The following ARFGEF3 variants were observed in gnomAD, a reference collection of about 807,000 sequenced individuals.
The protein encoded by ARFGEF3 is brefeldin A-inhibited guanine nucleotide-exchange protein 3.
ARFGEF3 carries 96 observed loss-of-function variants against 221.7 expected under a neutral mutation model. That is an observed-to-expected ratio of 0.43 (90% confidence interval 0.37 to 0.51). The LOEUF (loss-of-function observed/expected upper bound fraction) is 0.51. ARFGEF3 is among the 20% of genes least tolerant of loss of function. The pLI is 0.00. For missense variants in ARFGEF3, 2,410 were observed against 2,789.9 expected (o/e 0.86, Z 3.07); for synonymous variants, 1,145 against 1,126.8 (o/e 1.02, Z -0.32).
intron 2 of ARFGEF3, among the ~76,000 whole-genome samples, chr6:138,189,582 A>T (rs1415935989): frequency 6.6e-6 from 1 of 152,242 alleles, no homozygotes; most frequent in Non-Finnish European, 1.5e-5. Context: ...TTCACTTAGT[A>T]TATCAAACAC....
chr6:138,269,332 C>T (rs1778953273), intron 12 of ARFGEF3, among the ~76,000 whole-genome samples: 1 of 152,244 alleles, frequency 6.6e-6, no homozygotes, highest in African/African-American at 2.4e-5. Context: ...GGCATTTATG[C>T]CGTTACCAGC....
At chr6:138,330,727 A>T (rs1247253882) in intron 32 of ARFGEF3, among the ~76,000 whole-genome samples, 1 of 112,504 alleles carries the variant, frequency 8.9e-6, no homozygotes. Context: ...TTAATATAAC[A>T]ATCAATCATT....
At chr6:138,232,016 G>A (rs901539566) in intron 5 of ARFGEF3, among the ~76,000 whole-genome samples, 1 of 152,192 alleles carries the variant, frequency 6.6e-6, no homozygotes, top group Admixed American at 6.5e-5. Context: ...ATATCCAAGT[G>A]CTTTCTGTTC....
Position 138,255,724 on chromosome 6 carries a change from C to T in ARFGEF3, c.1059C>T (p.Tyr353=), listed in dbSNP as rs1258407683. 2.5e-6 allele frequency: 4 copies of T among 1,601,662 alleles called. No individual in the cohort carries two copies. Among genetic ancestry groups the T allele is most frequent in the Admixed American group, 3.4e-5 (2 of 59,310 alleles). ...CCCTCTACCACCGAGTGCTGCTCTA[C>T]CCCCCACCCCAGCACCGGGTGGAAG... ...LQSLYHRVLL[Y]PPPQHRVEAI... is the part of the protein sequence containing the mutation. Residue 353 remains tyrosine (Y), a synonymous_variant, in exon 10 of 34, where the codon TAC becomes TAT. Coordinates refer to ENST00000251691, the MANE Select transcript of ARFGEF3 (RefSeq NM_020340.5).
At chr6:138,335,836 G>A (rs1780311824) in intron 33 of ARFGEF3, among the ~76,000 whole-genome samples, 1 of 152,186 alleles carries the variant, frequency 6.6e-6, no homozygotes, top group Non-Finnish European at 1.5e-5. Context: ...GTGTGGTTAT[G>A]CCAATGAATT....
chr6:138,220,764 T>C, intron 4 of ARFGEF3, among the ~76,000 whole-genome samples: 1 of 152,086 alleles, frequency 6.6e-6, no homozygotes, highest in Non-Finnish European at 1.5e-5. Context: ...TAATCACATA[T>C]TATCATCCAG....
At chr6:138,249,280 G>A (rs1778539109) in intron 8 of ARFGEF3, among the ~76,000 whole-genome samples, 1 of 152,130 alleles carries the variant, frequency 6.6e-6, no homozygotes, top group Non-Finnish European at 1.5e-5. Flanking sequence ...GAAAAACAAA[G>A]CATTTCTTAA....
chr6:138,296,597 C>T (rs978428867), intron 20 of ARFGEF3, among the ~76,000 whole-genome samples: 6 of 152,056 alleles, frequency 3.9e-5, no homozygotes, highest in African/African-American at 1.2e-4. Context: ...TCCCAGGTAC[C>T]GGGGCTACAG....
In ARFGEF3 at chr6:138,323,938, A is replaced by G. The variant is rs1037709775; in HGVS notation, c.4870-85A>G. 7.0e-6 allele frequency: 11 copies of G among 1,574,214 alleles called. No homozygotes were observed. The East Asian group carries it at 1.8e-4, about 26-fold the overall frequency. On this transcript the variant is annotated intron_variant, in intron 30 of 33. Transcript: ENST00000251691. ...GTTGCTGGGTCAGTACTTTTGTCTC[A>G]GACACAGTGACGATCTCAGATCCAA...
In ARFGEF3 at chr6:138,287,127, G is replaced by A. The variant is rs1237839897; in HGVS notation, c.2839G>A (p.Val947Ile). 1 of 1,577,382 alleles carries A rather than the reference G, an allele frequency of 6.3e-7. No individual in the cohort carries two copies. The highest frequency in any genetic ancestry group is 8.6e-7 in the Non-Finnish European group (1 of 1,161,152). Residue 947 changes from valine to isoleucine, a missense_variant, in exon 17 of 34, where the codon GTC (valine) becomes ATC (isoleucine). Physicochemically the swap from Val to Ile is conservative, Grantham distance 29 (BLOSUM62 3). Coordinates refer to ENST00000251691, the MANE Select transcript of ARFGEF3 (RefSeq NM_020340.5). ...ALAQMAAASC[V>I]QEEKEEREAQ... ...TGCCCAGATGGCAGCTGCCTCCTGT[G>A]TCCAAGAAGAAAAAGAAGAGAGGGA... is the stretch of plus-strand genomic sequence containing the variant.
At chr6:138,192,156 G>C (rs1265209697) in intron 2 of ARFGEF3, among the ~76,000 whole-genome samples, 8 of 152,144 alleles carry the variant, frequency 5.3e-5, no homozygotes, top group Admixed American at 5.2e-4. Flanking sequence ...GAAGACTTCA[G>C]AATTCCCTGC....
chr6:138,234,738 T>C (rs1778254038), intron 5 of ARFGEF3, among the ~76,000 whole-genome samples: 1 of 152,204 alleles, frequency 6.6e-6, no homozygotes, highest in Non-Finnish European at 1.5e-5. Flanking sequence ...TTTTATAGCT[T>C]AATCTCTGAT....
At chr6:138,184,438 C>T (rs953151216) in intron 2 of ARFGEF3, among the ~76,000 whole-genome samples, 1 of 152,060 alleles carries the variant, frequency 6.6e-6, no homozygotes, top group African/African-American at 2.4e-5. Context: ...AGTTTTCTGG[C>T]AGTTTGCAGT....
intron 2 of ARFGEF3, among the ~76,000 whole-genome samples, chr6:138,170,943 C>A (rs1226577706): frequency 1.3e-5 from 2 of 152,118 alleles, no homozygotes; most frequent in African/African-American, 4.8e-5. Flanking sequence ...TGCGTCATCC[C>A]AAAGGTAGAA....
chr6:138,336,260 G>T (rs371411718), intron 33 of ARFGEF3, 35 bp from the exon 34 acceptor site: 404 of 1,452,382 alleles, frequency 2.8e-4, no homozygotes, highest in Non-Finnish European at 3.5e-4. Flanking sequence ...AACCAGGGGG[G>T]AAAGCCACTG....
At chr6:138,222,031 C>T (rs1175718794) in intron 4 of ARFGEF3, among the ~76,000 whole-genome samples, 3 of 152,168 alleles carry the variant, frequency 2.0e-5, no homozygotes, top group African/African-American at 7.2e-5. Flanking sequence ...AGCCCAGCTA[C>T]TTGTTGTGAC....
rs60475752 is a variant in ARFGEF3, at chr6:138,299,198, T to TAAAAAAA, written c.3828+433_3828+439dup. 2.4e-3 allele frequency among the ~76,000 whole-genome samples: 95 copies of TAAAAAAA among 39,440 alleles called. 3 individuals are homozygous for TAAAAAAA. The highest frequency in any genetic ancestry group is 6.4e-3 in the Admixed American group (14 of 2,188). 25.9% of individuals were successfully genotyped at this position (39,440 alleles called of 152,430 possible). On this transcript the variant is annotated intron_variant, in intron 22 of 33. Transcript: ENST00000251691. ...GCCTGAGTGACAGAGCGAGACTCTG[T>TAAAAAAA]AAAAAAAAAAAAAAAAAAAAAAAAA...
chr6:138,287,223 G>C, intron 17 of ARFGEF3, 39 bp downstream of exon 17: 1 of 1,485,610 alleles, frequency 6.7e-7, no homozygotes. Flanking sequence ...GGTGCCTTGG[G>C]TGCAGTATGC....
intron 22 of ARFGEF3, among the ~76,000 whole-genome samples, chr6:138,299,482 C>T (rs1039032367): frequency 2.1e-4 from 32 of 152,096 alleles, no homozygotes; most frequent in African/African-American, 6.8e-4. Context: ...GTATTTCACA[C>T]GATGGTGGGC....
Sources: allele counts gnomAD v4.1 joint callset (sites outside exome capture counted in the v4.1 genomes callset), GRCh38; gene constraint gnomAD v4.1.1; transcripts MANE v1.5; gene names NCBI Gene and HGNC (gene_info 2026-07-23, HGNC 2026-07-21).